The following PDE4B variants were observed in gnomAD, a reference collection of about 807,000 sequenced individuals.
PDE4B encodes the protein 3',5'-cyclic-AMP phosphodiesterase 4B.
In PDE4B, 20 loss-of-function variants were observed where a neutral mutation model predicts 82.2. The ratio of observed to expected loss-of-function variants is 0.24; its 90% confidence interval spans 0.17 to 0.35. PDE4B has a LOEUF of 0.35. PDE4B is among the 10% of genes least tolerant of loss of function. The pLI, the probability that PDE4B is intolerant of heterozygous loss-of-function variation, is 1.00. For synonymous variants in PDE4B, 320 were observed against 318.9 expected (o/e 1.00, Z -0.04); for missense variants, 655 against 907.2 (o/e 0.72, Z 3.57).
At chr1:65,924,203 T>G (rs1029369666) in intron 3 of PDE4B, among the ~76,000 whole-genome samples, 1 of 141,678 alleles carries the variant, frequency 7.1e-6, no homozygotes, top group African/African-American at 2.6e-5. Context: ...GCCTCCCAAG[T>G]AGCTGGGACT....
At chr1:65,954,198 C>T (rs1294294270) in intron 3 of PDE4B, among the ~76,000 whole-genome samples, 1 of 152,004 alleles carries the variant, frequency 6.6e-6, no homozygotes, top group East Asian at 1.9e-4. Flanking sequence ...TGCCTGGCCT[C>T]ATTAATTATT....
chr1:66,011,806 C>T (rs918814038), intron 3 of PDE4B, among the ~76,000 whole-genome samples: 2 of 152,016 alleles, frequency 1.3e-5, no homozygotes, highest in Non-Finnish European at 2.9e-5. Context: ...AGGAAACTCA[C>T]ATACATACAA....
intron 1 of PDE4B, among the ~76,000 whole-genome samples, chr1:65,820,141 G>T (rs938046285): frequency 7.2e-5 from 11 of 152,286 alleles, no homozygotes; most frequent in African/African-American, 2.4e-4. Flanking sequence ...ACTGAAATTG[G>T]GAATGGAGGT....
chr1:66,226,015 C>A (rs1274974730), intron 3 of PDE4B, among the ~76,000 whole-genome samples: 1 of 152,214 alleles, frequency 6.6e-6, no homozygotes, highest in Non-Finnish European at 1.5e-5. Context: ...TCTGTATCTT[C>A]AGGTCCTAAG....
chr1:66,156,879 T>G (rs76408022), intron 3 of PDE4B, among the ~76,000 whole-genome samples: 2,129 of 152,302 alleles, frequency 0.014, 41 homozygotes, highest in African/African-American at 0.049. Context: ...TCCTCCACAC[T>G]TTTAATGGTC....
At chr1:65,988,799 ATT>A (rs1196418984) in intron 3 of PDE4B, among the ~76,000 whole-genome samples, 2 of 152,116 alleles carry the variant, frequency 1.3e-5, no homozygotes, top group South Asian at 4.1e-4. Context: ...AGTTTTGTCC[ATT>A]TAAAATACTT....
intron 3 of PDE4B, among the ~76,000 whole-genome samples, chr1:66,036,347 T>G (rs1654061524): frequency 6.6e-6 from 1 of 152,182 alleles, no homozygotes; most frequent in African/African-American, 2.4e-5. Flanking sequence ...ATTTGTCTAT[T>G]TTTGCTTTTA....
At chr1:66,356,416 A>G (rs1662247558) in intron 9 of PDE4B, among the ~76,000 whole-genome samples, 1 of 152,360 alleles carries the variant, frequency 6.6e-6, no homozygotes, top group African/African-American at 2.4e-5. Flanking sequence ...TGATTTAAGA[A>G]GTCCTACAGA....
intron 3 of PDE4B, among the ~76,000 whole-genome samples, chr1:66,186,572 T>C (rs753558191): frequency 2.6e-5 from 4 of 152,236 alleles, no homozygotes; most frequent in Non-Finnish European, 4.4e-5. Context: ...GTTGGATTCC[T>C]AGGTATTTTA....
chr1:66,041,953 T>C (rs919619804), intron 3 of PDE4B, among the ~76,000 whole-genome samples: 4 of 151,852 alleles, frequency 2.6e-5, no homozygotes, highest in African/African-American at 7.2e-5. Context: ...ATAATGGATA[T>C]GTAATAAGTA....
intron 1 of PDE4B, among the ~76,000 whole-genome samples, chr1:65,843,845 C>G (rs879816933): frequency 3.9e-5 from 6 of 152,080 alleles, no homozygotes; most frequent in Non-Finnish European, 8.8e-5. Context: ...TGGCATATCT[C>G]TACATTATGT....
chr1:66,247,339 A>G (rs1018399459), intron 3 of PDE4B, 121 bp from the exon 4 acceptor site: 21 of 555,002 alleles, frequency 3.8e-5, no homozygotes, highest in Admixed American at 8.7e-5. Flanking sequence ...TTTCCATAGT[A>G]CATACAGTTT....
chr1:66,155,191 T>G (rs963919475), intron 3 of PDE4B, among the ~76,000 whole-genome samples: 2 of 151,732 alleles, frequency 1.3e-5, no homozygotes, highest in African/African-American at 4.8e-5. Flanking sequence ...CAAGGTGCCT[T>G]TGGAGTCAGC....
At chr1:65,843,709 A>G (rs4077431) in intron 1 of PDE4B, among the ~76,000 whole-genome samples, 1 of 151,834 alleles carries the variant, frequency 6.6e-6, no homozygotes, top group Non-Finnish European at 1.5e-5. Flanking sequence ...TTTATCTTAC[A>G]TTTGCAAATA....
chr1:65,950,916 G>C (rs934435091), intron 3 of PDE4B, among the ~76,000 whole-genome samples: 1 of 152,082 alleles, frequency 6.6e-6, no homozygotes. Context: ...AAGTTTTTCT[G>C]TGTCCTAGGT....
At chr1:65,944,912 G>T (rs1648629005) in intron 3 of PDE4B, among the ~76,000 whole-genome samples, 1 of 151,826 alleles carries the variant, frequency 6.6e-6, no homozygotes, top group Non-Finnish European at 1.5e-5. Flanking sequence ...TGGTCACTTT[G>T]GGCTCCTTAT....
chr1:66,141,327 A>AATATATATATATATATATAT (rs71058454), intron 3 of PDE4B, among the ~76,000 whole-genome samples: 1 of 91,482 alleles, frequency 1.1e-5, no homozygotes, highest in Admixed American at 1.3e-4. Context: ...AAGCTTTGAG[A>AATATATATATATATATATAT]ATATATATAT....
chr1:65,993,468 G>A (rs1458661868), intron 3 of PDE4B, among the ~76,000 whole-genome samples: 1 of 152,090 alleles, frequency 6.6e-6, no homozygotes, highest in Non-Finnish European at 1.5e-5. Context: ...ATCTGTTGAG[G>A]TGGTAGGTGA....
chr1:65,928,791 C>T (rs1320036659), intron 3 of PDE4B, among the ~76,000 whole-genome samples: 1 of 152,182 alleles, frequency 6.6e-6, no homozygotes, highest in Non-Finnish European at 1.5e-5. Flanking sequence ...CAAGGGAGAT[C>T]AGGCATTTCC....
Sources: gnomAD v4.1 joint callset for allele counts (sites outside exome capture counted in the v4.1 genomes callset) on GRCh38, gnomAD v4.1.1 for gene constraint, MANE v1.5 for transcripts, NCBI Gene and HGNC (gene_info 2026-07-23, HGNC 2026-07-21) for gene names.